KCND2: variants seen among roughly 807,000 people sequenced by gnomAD.
The protein encoded by KCND2 is potassium voltage-gated channel subfamily D member 2.
A neutral mutation model predicts 54.4 loss-of-function variants in KCND2; 16 were observed. The ratio of observed to expected loss-of-function variants is 0.29; its 90% confidence interval spans 0.20 to 0.45. The LOEUF (loss-of-function observed/expected upper bound fraction) is 0.45, where lower values mean the gene tolerates loss of function less well. Among genes scored for constraint, KCND2 ranks in the 20% least tolerant of loss-of-function variants. The probability of loss-of-function intolerance (pLI) is 1.00; values close to 1 mark genes in which losing one functional copy is unlikely to be tolerated. For synonymous variants in KCND2, 317 were observed against 310.7 expected (o/e 1.02, Z -0.21); for missense variants, 486 against 824.2 (o/e 0.59, Z 5.02).
chr7:120,669,812 G>T (rs1365894816), intron 1 of KCND2, among the ~76,000 whole-genome samples: 2 of 151,926 alleles, frequency 1.3e-5, no homozygotes, highest in East Asian at 3.8e-4. Context: ...GTAGCCAATG[G>T]GATACATTTT....
chr7:120,533,574 A>G (rs2116367974), intron 1 of KCND2, among the ~76,000 whole-genome samples: 1 of 152,228 alleles, frequency 6.6e-6, no homozygotes, highest in East Asian at 1.9e-4. Context: ...AAATGATAAT[A>G]TGTTTGTGGA....
chr7:120,463,507 G>A (rs1444457956), intron 1 of KCND2, among the ~76,000 whole-genome samples: 6 of 151,858 alleles, frequency 4.0e-5, no homozygotes, highest in African/African-American at 7.3e-5. Flanking sequence ...ATTCTTTCAC[G>A]TTTTGATGTC....
intron 1 of KCND2, among the ~76,000 whole-genome samples, chr7:120,420,270 T>A (rs1455894898): frequency 1.3e-5 from 2 of 152,142 alleles, no homozygotes; most frequent in African/African-American, 4.8e-5. Flanking sequence ...TTACTAATTT[T>A]TACATCTACT....
chr7:120,623,745 G>A lies in KCND2; in HGVS notation c.1116-109158G>A, dbSNP rs535205668. On this transcript the variant is annotated intron_variant, in intron 1 of 5. Transcript: ENST00000331113. Reference sequence around the variant, plus strand: ...ATAGAAACAATAATTTTTAAAATATGTTCAGAGGGAGGAGGTATAGAAAGC... The same window carrying A: ...ATAGAAACAATAATTTTTAAAATATATTCAGAGGGAGGAGGTATAGAAAGC... 4.6e-5 allele frequency among the ~76,000 whole-genome samples: 7 copies of A among 152,226 alleles called. No homozygotes were observed. In the South Asian group the frequency reaches 1.0e-3, roughly 23 times the overall value.
chr7:120,313,835 T>A (rs1341491517), intron 1 of KCND2, among the ~76,000 whole-genome samples: 1 of 148,740 alleles, frequency 6.7e-6, no homozygotes, highest in Admixed American at 7.0e-5. Context: ...CTGTAAGACA[T>A]AAGCCAACAG....
intron 1 of KCND2, among the ~76,000 whole-genome samples, chr7:120,644,127 T>TA (rs1385239944): frequency 6.6e-6 from 1 of 152,040 alleles, no homozygotes; most frequent in African/African-American, 2.4e-5. Context: ...AGACACAACT[T>TA]ACCTGGATTG....
Position 120,632,156 on chromosome 7 carries a change from G to A in KCND2, c.1116-100747G>A, listed in dbSNP as rs530241686. ...AATGCCAGTAAATTATATTCATAAT[G>A]CAGCATCTGCTATTAAAGTCTTTTA... On this transcript the variant is annotated intron_variant, in intron 1 of 5. Coordinates refer to ENST00000331113, the MANE Select transcript of KCND2 (RefSeq NM_012281.3). Among the ~76,000 whole-genome samples the A allele has an allele frequency of 7.2e-4, 109 of 152,200 alleles. 2 individuals carry two copies. Among genetic ancestry groups the A allele is most frequent in the African/African-American group, 2.5e-3 (102 of 41,532 alleles).
At chr7:120,698,766 G>C (rs1792363207) in intron 1 of KCND2, among the ~76,000 whole-genome samples, 1 of 152,132 alleles carries the variant, frequency 6.6e-6, no homozygotes, top group South Asian at 2.1e-4. Flanking sequence ...AAGGAATTTG[G>C]CAATAGATTC....
At chr7:120,709,358 A>C (rs565352768) in intron 1 of KCND2, among the ~76,000 whole-genome samples, 2 of 152,290 alleles carry the variant, frequency 1.3e-5, no homozygotes, top group East Asian at 3.9e-4. Flanking sequence ...AGAATCACCA[A>C]AATTGCACAA....
chr7:120,487,961 G>A lies in KCND2; in HGVS notation c.1115+212214G>A, dbSNP rs542709650. The stretch of plus-strand genomic sequence containing the variant: ...TTTGGGAGGCCCAGGCAGGCAGATC[G>A]CTTGTGCCCAGGAGTTTGAGACCAG... On this transcript the variant is annotated intron_variant, in intron 1 of 5. Coordinates refer to ENST00000331113, the MANE Select transcript of KCND2 (RefSeq NM_012281.3). Among the ~76,000 whole-genome samples the A allele has an allele frequency of 2.2e-4, 33 of 152,142 alleles. No individual in the cohort carries two copies. In the South Asian group the frequency reaches 6.8e-3, roughly 32 times the overall value.
intron 1 of KCND2, among the ~76,000 whole-genome samples, chr7:120,683,813 T>G (rs1303291921): frequency 6.6e-6 from 1 of 152,142 alleles, no homozygotes; most frequent in African/African-American, 2.4e-5. Flanking sequence ...TCTTTCATTT[T>G]TTTTTTCTTT....
At chr7:120,742,459 A>G in intron 3 of KCND2, 51 bp from the exon 4 acceptor site, 1 of 1,412,086 alleles carries the variant, frequency 7.1e-7, no homozygotes, top group Non-Finnish European at 1.0e-6. Flanking sequence ...CCGAGGTTCG[A>G]GTTGTTTGCA....
chr7:120,319,680 T>C (rs1799864684), intron 1 of KCND2, among the ~76,000 whole-genome samples: 1 of 152,122 alleles, frequency 6.6e-6, no homozygotes, highest in Non-Finnish European at 1.5e-5. Context: ...CGGAATCATT[T>C]CAAAAATATT....
intron 1 of KCND2, among the ~76,000 whole-genome samples, chr7:120,293,720 T>TTGTC (rs1033081283): frequency 2.6e-5 from 4 of 151,934 alleles, no homozygotes; most frequent in Non-Finnish European, 5.9e-5. Context: ...TTAACATATA[T>TTGTC]TGTCTTTGAT....
intron 1 of KCND2, among the ~76,000 whole-genome samples, chr7:120,504,445 C>G (rs2116321522): frequency 6.6e-6 from 1 of 151,822 alleles, no homozygotes; most frequent in East Asian, 1.9e-4. Flanking sequence ...TGAAAAAAAG[C>G]CTTTATACTG....
intron 1 of KCND2, among the ~76,000 whole-genome samples, chr7:120,618,852 A>T (rs1012466043): frequency 2.6e-5 from 4 of 151,544 alleles, no homozygotes; most frequent in Non-Finnish European, 2.9e-5. Context: ...TTTTATTTTT[A>T]TTTTTTTTAG....
intron 1 of KCND2, among the ~76,000 whole-genome samples, chr7:120,495,144 C>G (rs1261203604): frequency 6.6e-6 from 1 of 151,950 alleles, no homozygotes; most frequent in Admixed American, 6.6e-5. Context: ...ATTTTTTTTC[C>G]TAAGCCATAC....
intron 1 of KCND2, among the ~76,000 whole-genome samples, chr7:120,414,670 G>A (rs984482684): frequency 3.9e-5 from 6 of 152,088 alleles, no homozygotes; most frequent in African/African-American, 1.4e-4. Context: ...AGCACAAGTT[G>A]GATTCTTGAA....
At chr7:120,571,278 A>G (rs1792362235) in intron 1 of KCND2, among the ~76,000 whole-genome samples, 1 of 152,220 alleles carries the variant, frequency 6.6e-6, no homozygotes, top group Admixed American at 6.5e-5. Flanking sequence ...AGAAGCCAAA[A>G]TATGAATTAA....
Sources: allele counts gnomAD v4.1 joint callset (sites outside exome capture counted in the v4.1 genomes callset), GRCh38; gene constraint gnomAD v4.1.1; transcripts MANE v1.5; gene names NCBI Gene and HGNC (gene_info 2026-07-23, HGNC 2026-07-21).